The following PIGK variants were observed in gnomAD, a reference collection of about 807,000 sequenced individuals.
PIGK encodes GPI-anchor transamidase.
PIGK carries 42 observed loss-of-function variants against 50.6 expected under a neutral mutation model. The ratio of observed to expected loss-of-function variants is 0.83; its 90% CI spans 0.65 to 1.07. The LOEUF (loss-of-function observed/expected upper bound fraction) is 1.07. PIGK is among the 50% of genes least tolerant of loss of function. PIGK has a pLI of 0.00. For missense variants in PIGK, 448 were observed against 488.7 expected, an observed-to-expected ratio of 0.92 and a Z score of 0.78; for synonymous variants, 151 against 156.0, an observed-to-expected ratio of 0.97 and a Z score of 0.24.
intron 9 of PIGK, among the ~76,000 whole-genome samples, chr1:77,136,536 CAAA>C (rs778130093): frequency 3.1e-5 from 2 of 63,670 alleles, no homozygotes; most frequent in Admixed American, 1.9e-4. Flanking sequence ...GACTCCGTCT[CAAA>C]AAAAAAAAAA....
intron 9 of PIGK, among the ~76,000 whole-genome samples, chr1:77,125,123 C>G (rs997168519): frequency 1.3e-5 from 2 of 152,084 alleles, no homozygotes; most frequent in Non-Finnish European, 2.9e-5. Context: ...TTTTTTCTCA[C>G]AAAATGTCTC....
chr1:77,177,220 C>T (rs1352731621), intron 3 of PIGK, among the ~76,000 whole-genome samples: 3 of 152,194 alleles, frequency 2.0e-5, no homozygotes, highest in Non-Finnish European at 4.4e-5. Context: ...GGACAGTCAA[C>T]CCCTTCTGTT....
chr1:77,165,624 A>T (rs898150571), intron 5 of PIGK, among the ~76,000 whole-genome samples: 1 of 152,052 alleles, frequency 6.6e-6, no homozygotes, highest in Non-Finnish European at 1.5e-5. Context: ...AAAAGCAAGA[A>T]ATATATAATC....
intron 1 of PIGK, among the ~76,000 whole-genome samples, chr1:77,212,949 G>A (rs1308210465): frequency 6.6e-6 from 1 of 152,162 alleles, no homozygotes; most frequent in East Asian, 1.9e-4. Context: ...TTTTGAGATG[G>A]AGTCTCATTC....
At chr1:77,187,408 C>A (rs1425766940) in intron 3 of PIGK, among the ~76,000 whole-genome samples, 1 of 152,206 alleles carries the variant, frequency 6.6e-6, no homozygotes, top group Admixed American at 6.5e-5. Context: ...CAACATTACG[C>A]TCTTCTGGCC....
At chr1:77,117,417 C>T (rs999012406) in intron 10 of PIGK, among the ~76,000 whole-genome samples, 1 of 152,216 alleles carries the variant, frequency 6.6e-6, no homozygotes, top group African/African-American at 2.4e-5. Flanking sequence ...AGACATCACT[C>T]CATTGCTTTC....
intron 3 of PIGK, among the ~76,000 whole-genome samples, chr1:77,193,167 A>G (rs1655950397): frequency 6.6e-6 from 1 of 151,940 alleles, no homozygotes. Flanking sequence ...TTATCCTTTT[A>G]ATTTCTTTTA....
At chr1:77,102,008 C>A (rs1323371038) in intron 10 of PIGK, among the ~76,000 whole-genome samples, 10 of 151,628 alleles carry the variant, frequency 6.6e-5, no homozygotes, top group African/African-American at 2.4e-4. Context: ...ATCTCACACA[C>A]AAAAAAAATT....
rs186088234 is a variant in PIGK, at chr1:77,152,963, C to G, written c.986+1486G>C. On this transcript the variant is annotated intron_variant, in intron 9 of 10. Coordinates refer to ENST00000370812, the MANE Select transcript of PIGK (RefSeq NM_005482.3). ...TATAGAAAACAGTACAGAGGTTGCT[C>G]AAAAAATTAAAAATAAAACTACCAT... is the stretch of plus-strand genomic sequence containing the variant. 2.6e-5 allele frequency among the ~76,000 whole-genome samples: 4 copies of G among 152,046 alleles called. No homozygotes were observed. The East Asian group carries it at 7.7e-4, about 29-fold the overall frequency.
chr1:77,183,498 C>A (rs890586489), intron 3 of PIGK, among the ~76,000 whole-genome samples: 4 of 152,194 alleles, frequency 2.6e-5, no homozygotes, highest in Non-Finnish European at 5.9e-5. Flanking sequence ...TCCTGGCAGG[C>A]CCCTACAGGT....
intron 10 of PIGK, among the ~76,000 whole-genome samples, chr1:77,107,727 T>C (rs1653722886): frequency 6.6e-6 from 1 of 152,150 alleles, no homozygotes; most frequent in Admixed American, 6.5e-5. Context: ...GGAGTCTAAG[T>C]CTCTTTGTAG....
intron 3 of PIGK, among the ~76,000 whole-genome samples, chr1:77,186,681 C>A (rs1234897413): frequency 6.6e-6 from 1 of 152,154 alleles, no homozygotes; most frequent in African/African-American, 2.4e-5. Flanking sequence ...CCCAGTCACC[C>A]CTGTCATCAC....
intron 3 of PIGK, among the ~76,000 whole-genome samples, chr1:77,184,904 G>A (rs1018666507): frequency 6.6e-6 from 1 of 152,194 alleles, no homozygotes; most frequent in Admixed American, 6.5e-5. Flanking sequence ...GGAGATCAGT[G>A]CCACCATCAA....
At chr1:77,164,573 T>G (rs1458807045) in intron 5 of PIGK, among the ~76,000 whole-genome samples, 1 of 152,162 alleles carries the variant, frequency 6.6e-6, no homozygotes, top group Non-Finnish European at 1.5e-5. Context: ...CTCCTCACCT[T>G]CCTCTTGGAT....
intron 8 of PIGK, among the ~76,000 whole-genome samples, chr1:77,155,867 C>T (rs1282650858): frequency 6.6e-6 from 1 of 152,148 alleles, no homozygotes; most frequent in East Asian, 1.9e-4. Context: ...TTATAAAACA[C>T]AGTGTTCCAA....
intron 3 of PIGK, among the ~76,000 whole-genome samples, chr1:77,182,143 G>A (rs909412132): frequency 2.0e-5 from 3 of 152,176 alleles, no homozygotes; most frequent in Non-Finnish European, 4.4e-5. Flanking sequence ...TTACATGAGG[G>A]TAGAGCTAGC....
intron 9 of PIGK, among the ~76,000 whole-genome samples, chr1:77,144,307 A>G (rs951383166): frequency 1.3e-5 from 2 of 151,964 alleles, no homozygotes; most frequent in African/African-American, 2.4e-5. Context: ...AAGAACTAAA[A>G]GAAACCTTAA....
At chr1:77,154,405 T>C (rs1027467312) in intron 9 of PIGK, 44 bp downstream of exon 9, 1 of 1,425,504 alleles carries the variant, frequency 7.0e-7, no homozygotes, top group Non-Finnish European at 9.8e-7. Flanking sequence ...ATGTACAAAC[T>C]GTGAGACTAG....
intron 4 of PIGK, among the ~76,000 whole-genome samples, chr1:77,168,841 TC>T (rs1364219895): frequency 6.6e-6 from 1 of 152,008 alleles, no homozygotes; most frequent in Non-Finnish European, 1.5e-5. Flanking sequence ...TTATTTCTTA[TC>T]ACATATTCAT....
Sources: gnomAD v4.1 joint callset for allele counts (sites outside exome capture counted in the v4.1 genomes callset) on GRCh38, gnomAD v4.1.1 for gene constraint, MANE v1.5 for transcripts, NCBI Gene and HGNC (gene_info 2026-07-23, HGNC 2026-07-21) for gene names.